The following BORCS5 variants were observed in gnomAD, a reference collection of about 807,000 sequenced individuals.
The protein encoded by BORCS5 is BLOC-1 related complex subunit 5.
A neutral mutation model predicts 22.1 loss-of-function variants in BORCS5; 17 were observed. That is an observed-to-expected ratio of 0.77 (90% CI 0.53 to 1.15). The LOEUF is 1.15. BORCS5 is among the 50% of genes most tolerant of loss of function. The pLI, the probability that BORCS5 is intolerant of heterozygous loss-of-function variation, is 0.00. For missense variants in BORCS5, 247 were observed against 253.2 expected (o/e 0.98, Z 0.17); for synonymous variants, 117 against 99.8 (o/e 1.17, Z -1.03).
At chr12:12,414,085 C>T (rs1343715093) in intron 2 of BORCS5, among the ~76,000 whole-genome samples, 10 of 83,504 alleles carry the variant, frequency 1.2e-4, no homozygotes, top group South Asian at 3.3e-4. Context: ...CCCTCCCGGA[C>T]GGGGCGGCTG....
chr12:12,365,956 G>T (rs1426178930), intron 2 of BORCS5, among the ~76,000 whole-genome samples: 7 of 152,176 alleles, frequency 4.6e-5, no homozygotes, highest in Non-Finnish European at 8.8e-5. Flanking sequence ...TGGGTATGAG[G>T]TTGTTTGGGT....
At chr12:12,439,922 G>A (rs762256525) in intron 3 of BORCS5, among the ~76,000 whole-genome samples, 3 of 152,188 alleles carry the variant, frequency 2.0e-5, no homozygotes, top group Non-Finnish European at 2.9e-5. Flanking sequence ...TAAAGCAGAG[G>A]ATGTCATTTT....
At chr12:12,463,791 C>T (rs1172534152) in intron 3 of BORCS5, among the ~76,000 whole-genome samples, 1 of 152,180 alleles carries the variant, frequency 6.6e-6, no homozygotes, top group Non-Finnish European at 1.5e-5. Flanking sequence ...TGGCTGTGAA[C>T]AGTCTTCATC....
In BORCS5 at chr12:12,387,306, A is replaced by G. The variant is rs567064001; in HGVS notation, c.202+25957A>G. 1.9e-4 allele frequency among the ~76,000 whole-genome samples: 29 copies of G among 151,600 alleles called. 1 individual carries two copies. Among genetic ancestry groups the G allele is most frequent in the Admixed American group, 1.2e-3 (19 of 15,220 alleles). ...TATTTGGTGATTATAAGTAAAGCCA[A>G]CATAAGTTTTGTGGCAGTTACAATA... On this transcript the variant is annotated intron_variant, in intron 2 of 3. Coordinates refer to ENST00000314565, the MANE Select transcript of BORCS5 (RefSeq NM_058169.6).
At chr12:12,370,785 G>T (rs773223578) in intron 2 of BORCS5, among the ~76,000 whole-genome samples, 1 of 151,572 alleles carries the variant, frequency 6.6e-6, no homozygotes, top group Non-Finnish European at 1.5e-5. Context: ...GTCTCGCTCT[G>T]TGGCCCAGGC....
chr12:12,455,963 A>G (rs542467294), intron 3 of BORCS5, among the ~76,000 whole-genome samples: 299 of 152,244 alleles, frequency 2.0e-3, no homozygotes, highest in Non-Finnish European at 3.4e-3. Context: ...AGGGTTATTA[A>G]ATTTGCTTTT....
chr12:12,381,466 C>T (rs1863773584), intron 2 of BORCS5, among the ~76,000 whole-genome samples: 1 of 151,130 alleles, frequency 6.6e-6, no homozygotes, highest in Non-Finnish European at 1.5e-5. Context: ...ATTGTGTTTT[C>T]CCTTATTGAA....
At chr12:12,408,613 T>G (rs1941645592) in intron 2 of BORCS5, among the ~76,000 whole-genome samples, 1 of 152,250 alleles carries the variant, frequency 6.6e-6, no homozygotes. Flanking sequence ...TCTATGATTT[T>G]GACTTTTCTG....
At chr12:12,427,172 C>CTTT (rs869191667) in intron 2 of BORCS5, among the ~76,000 whole-genome samples, 63 of 84,452 alleles carry the variant, frequency 7.5e-4, no homozygotes, top group East Asian at 1.4e-3. Flanking sequence ...TCTTTCTTTT[C>CTTT]TTTTTTTTTT....
At chr12:12,422,211 A>C (rs150329018) in intron 2 of BORCS5, among the ~76,000 whole-genome samples, 2 of 151,906 alleles carry the variant, frequency 1.3e-5, no homozygotes, top group African/African-American at 4.8e-5. Flanking sequence ...TGCACTTATC[A>C]TGAGGATTAT....
At chr12:12,401,224 ACAGT>A (rs1292578891) in intron 2 of BORCS5, among the ~76,000 whole-genome samples, 6 of 152,206 alleles carry the variant, frequency 3.9e-5, no homozygotes, top group Non-Finnish European at 7.3e-5. Context: ...TTTACTAGAT[ACAGT>A]CAATTTACTC....
chr12:12,387,200 T>C (rs1305233832), intron 2 of BORCS5, among the ~76,000 whole-genome samples: 1 of 151,402 alleles, frequency 6.6e-6, no homozygotes, highest in East Asian at 1.9e-4. Context: ...AATAGTTTGT[T>C]CCTTTTATTG....
At chr12:12,445,527 A>AT (rs1942769253) in intron 3 of BORCS5, among the ~76,000 whole-genome samples, 3 of 37,936 alleles carry the variant, frequency 7.9e-5, no homozygotes, top group Admixed American at 3.1e-4. Context: ...AATTTGAAAT[A>AT]CCTTTTTTTT....
At chr12:12,455,163 A>G (rs774511984) in intron 3 of BORCS5, among the ~76,000 whole-genome samples, 7 of 152,218 alleles carry the variant, frequency 4.6e-5, no homozygotes, top group Non-Finnish European at 8.8e-5. Flanking sequence ...ATTACATATC[A>G]CTGCCTGCTC....
rs1345367044 is a variant in BORCS5 at position 12,435,938 on chromosome 12, A to G, written c.360+153A>G. The G allele has an allele frequency of 1.7e-5, 12 of 688,502 alleles. No individual in the cohort carries two copies. In the Admixed American group the frequency reaches 3.9e-4, roughly 22 times the overall value. The allele number at this position is 688,502 out of a possible 1,614,324, so 42.6% of individuals were successfully genotyped here. A position where few individuals can be genotyped will look rare whatever the true frequency, so the allele number is the denominator to read the frequency against. ...TGTGATGATGAAAAAAGTGGTCCACAGAGCTGGGCTAATTTAGAGTTTGAA... is the reference window on the plus strand; with the variant it reads ...TGTGATGATGAAAAAAGTGGTCCACGGAGCTGGGCTAATTTAGAGTTTGAA... On this transcript the variant is annotated intron_variant, in intron 3 of 3. Coordinates refer to ENST00000314565, the MANE Select transcript of BORCS5 (RefSeq NM_058169.6).
chr12:12,441,883 A>C (rs2136133852), intron 3 of BORCS5, among the ~76,000 whole-genome samples: 1 of 152,102 alleles, frequency 6.6e-6, no homozygotes, highest in East Asian at 1.9e-4. Context: ...GAGAAATGTG[A>C]AGCTGGATGG....
At chr12:12,378,179 C>G (rs1244508686) in intron 2 of BORCS5, among the ~76,000 whole-genome samples, 1 of 152,170 alleles carries the variant, frequency 6.6e-6, no homozygotes, top group Non-Finnish European at 1.5e-5. Flanking sequence ...TGAGACCAGC[C>G]TGGCCAGCAG....
intron 3 of BORCS5, among the ~76,000 whole-genome samples, chr12:12,444,447 A>G (rs1942744253): frequency 6.6e-6 from 1 of 152,202 alleles, no homozygotes; most frequent in South Asian, 2.1e-4. Context: ...AAGGGAAAAA[A>G]GAGTGGACTA....
chr12:12,409,232 T>C (rs988405958), intron 2 of BORCS5, among the ~76,000 whole-genome samples: 3 of 152,012 alleles, frequency 2.0e-5, no homozygotes, highest in Admixed American at 6.6e-5. Flanking sequence ...TATTTTATTA[T>C]TATTATACTT....
Sources: allele counts gnomAD v4.1 joint callset (sites outside exome capture counted in the v4.1 genomes callset), GRCh38; gene constraint gnomAD v4.1.1; transcripts MANE v1.5; gene names NCBI Gene and HGNC (gene_info 2026-07-23, HGNC 2026-07-21).